ZBTB34: variants seen among roughly 807,000 people sequenced by gnomAD.
ZBTB34 encodes zinc finger and BTB domain-containing protein 34.
ZBTB34 carries 1 observed loss-of-function variant against 33.4 expected under a neutral mutation model. The observed-to-expected ratio is 0.03, with a 90% confidence interval of 0.01 to 0.14. The LOEUF is 0.14. Ranked by LOEUF, ZBTB34 falls within the 10% of genes least tolerant of loss-of-function variation. ZBTB34 has a pLI of 1.00. For synonymous variants in ZBTB34, 283 were observed against 253.5 expected (o/e 1.12, Z -1.11); for missense variants, 406 against 657.2 (o/e 0.62, Z 4.18).
At chr9:126,882,666 C>T (rs1403779333) in exon 2 of ZBTB34, 3 of 166,968 alleles carry the variant, frequency 1.8e-5, no homozygotes, top group Admixed American at 6.5e-5. Context: ...AACAGTGCAG[C>T]CACCTAAAAG....
At chr9:126,869,984 T>C (rs2033257201) in intron 1 of ZBTB34, among the ~76,000 whole-genome samples, 2 of 152,212 alleles carry the variant, frequency 1.3e-5, no homozygotes, top group African/African-American at 4.8e-5. Flanking sequence ...AACAGAATTT[T>C]TGTTAAAATA....
rs2033431722 is a variant in ZBTB34, at chr9:126,880,928, T to C, written c.*14T>C. 1.3e-6 allele frequency: 2 copies of C among 1,595,336 alleles called. No homozygotes were observed. The highest frequency in any genetic ancestry group is 1.1e-5 in the South Asian group (1 of 90,072). ...GCTCCCGATTAAGATGGTAAAGAAG[T>C]GCACCCAAACAAAGCACATTAATCA... On this transcript the variant is annotated 3_prime_UTR_variant, in exon 2 of 2. Transcript: ENST00000319119. This position sits in a 1 kb window ranked among gnomAD's most constrained non-coding sequence, Gnocchi z 6.7.
chr9:126,882,875 C>T (rs1413950319), exon 2 of ZBTB34: 1 of 166,998 alleles, frequency 6.0e-6, no homozygotes, highest in African/African-American at 2.4e-5. Context: ...GCTGTGCAGT[C>T]GCATCTCTTT....
At chr9:126,866,463 G>A (rs1159952013) in intron 1 of ZBTB34, among the ~76,000 whole-genome samples, 2 of 152,168 alleles carry the variant, frequency 1.3e-5, no homozygotes, top group African/African-American at 4.8e-5. Context: ...TACCCCAGAC[G>A]CTGTTTGCAT....
chr9:126,872,889 G>A (rs895518753), intron 1 of ZBTB34, among the ~76,000 whole-genome samples: 2 of 152,124 alleles, frequency 1.3e-5, no homozygotes, highest in Non-Finnish European at 2.9e-5. Context: ...CCACTCTTAG[G>A]TGTTAATCAT....
rs749964414 is a variant in ZBTB34 at position 126,880,707 on chromosome 9, C to A, written c.1308C>A (p.Ile436=). 1.9e-6 allele frequency: 3 copies of A among 1,613,822 alleles called. No individual in the cohort carries two copies. Among genetic ancestry groups the A allele is most frequent in the South Asian group, 1.1e-5 (1 of 91,086 alleles). ...ATGATAAACCATTCCGCTGTGAGAT[C>A]TGCGGGAAGTGCTTTCCATTCCAAG... Residue 436 remains isoleucine (I), a synonymous_variant, in exon 2 of 2, where the codon ATC becomes ATA. Coordinates refer to ENST00000319119, the Ensembl canonical transcript of ZBTB34. This position sits in a 1 kb window ranked among gnomAD's most constrained non-coding sequence, Gnocchi z 6.7.
chr9:126,863,199 G>A (rs1030638123), intron 1 of ZBTB34, among the ~76,000 whole-genome samples: 1 of 152,198 alleles, frequency 6.6e-6, no homozygotes, highest in Admixed American at 6.5e-5. Flanking sequence ...GTGAAGTTGA[G>A]CAATTTATCT....
intron 1 of ZBTB34, among the ~76,000 whole-genome samples, chr9:126,876,998 C>T (rs552259269): frequency 9.9e-5 from 15 of 152,160 alleles, no homozygotes; most frequent in South Asian, 6.2e-4. Context: ...TTAAAAATTC[C>T]GTCTGTGATT....
chr9:126,869,619 G>A (rs185938882), intron 1 of ZBTB34, among the ~76,000 whole-genome samples: 58 of 152,292 alleles, frequency 3.8e-4, no homozygotes, highest in Non-Finnish European at 6.5e-4. Flanking sequence ...GTAGGAGAAT[G>A]TCGGTCCTGC....
Position 126,879,891 on chromosome 9 carries a change from A to T in ZBTB34, c.492A>T (p.Pro164=), listed in dbSNP as rs769420634. The T allele has an allele frequency of 1.7e-5, 28 of 1,612,900 alleles. No homozygotes were observed. The highest frequency in any genetic ancestry group is 2.4e-5 in the Non-Finnish European group (28 of 1,179,876). Residue 164 remains proline (P), a synonymous_variant, in exon 2 of 2, where the codon CCA becomes CCT. Transcript: ENST00000319119. The surrounding 1 kb of genome is among the most constrained non-coding windows in gnomAD (Gnocchi z 6.4). ...AAGACAGCAGCTTCTTTGCCAACCC[A>T]GTGGAGATCTCTCCTCCATATTGCT...
exon 2 of ZBTB34, chr9:126,884,379 A>T (rs2033490712): frequency 6.0e-6 from 1 of 167,092 alleles, no homozygotes; most frequent in Non-Finnish European, 1.5e-5. Flanking sequence ...TAAATACAGT[A>T]TATGGAGACA....
At chr9:126,878,325 C>T (rs1032860810) in intron 1 of ZBTB34, among the ~76,000 whole-genome samples, 1 of 151,916 alleles carries the variant, frequency 6.6e-6, no homozygotes, top group Admixed American at 6.6e-5. Flanking sequence ...CAAAAATTAA[C>T]TGGGCATGGT....
At chr9:126,863,510 C>T (rs2033166496) in intron 1 of ZBTB34, among the ~76,000 whole-genome samples, 1 of 152,120 alleles carries the variant, frequency 6.6e-6, no homozygotes, top group African/African-American at 2.4e-5. Flanking sequence ...GTTTTATTCC[C>T]GTTAATGTTC....
intron 1 of ZBTB34, among the ~76,000 whole-genome samples, chr9:126,873,922 A>G (rs1017729367): frequency 6.6e-6 from 1 of 151,528 alleles, no homozygotes; most frequent in African/African-American, 2.4e-5. Flanking sequence ...TTTTTTCTCT[A>G]CATGTAAAGG....
At chr9:126,884,591 T>G (rs2033494899) in exon 2 of ZBTB34, 1 of 167,114 alleles carries the variant, frequency 6.0e-6, no homozygotes, top group South Asian at 2.1e-4. Context: ...TGAGTAAATG[T>G]CTTTTCTAAT....
At chr9:126,883,658 C>T (rs761894652) in exon 2 of ZBTB34, 1 of 167,076 alleles carries the variant, frequency 6.0e-6, no homozygotes, top group Non-Finnish European at 1.5e-5. Flanking sequence ...TGCTCCCATT[C>T]GTGTTGCTAA....
chr9:126,883,539 C>T (rs2033474687), exon 2 of ZBTB34: 1 of 167,196 alleles, frequency 6.0e-6, no homozygotes, highest in African/African-American at 2.4e-5. Context: ...ATATCCATTG[C>T]TTTGATTGTA....
At chr9:126,860,670 A>T (rs1043513132) in exon 1 of ZBTB34, 1 of 141,972 alleles carries the variant, frequency 7.0e-6, no homozygotes, top group Admixed American at 6.9e-5. Flanking sequence ...AGCGGCGGGG[A>T]CTGGCCTGGC....
chr9:126,862,234 C>T lies in ZBTB34; in HGVS notation c.-11+1495C>T, dbSNP rs576636798. On this transcript the variant is annotated intron_variant, in intron 1 of 1. Coordinates refer to ENST00000319119, the Ensembl canonical transcript of ZBTB34. The stretch of plus-strand genomic sequence containing the variant: ...ATGGAGTTAGTGAATAGACCAGTCT[C>T]CTGGCAGAGAAGGGTTCATATAGGA... Among the ~76,000 whole-genome samples, 14 of 152,232 alleles carry T rather than the reference C, an allele frequency of 9.2e-5. No individual in the cohort carries two copies. The East Asian group carries it at 2.7e-3, about 29-fold the overall frequency.
Sources: allele counts gnomAD v4.1 joint callset (sites outside exome capture counted in the v4.1 genomes callset), GRCh38; gene constraint gnomAD v4.1.1; non-coding constraint Gnocchi (gnomAD v3.1); transcripts MANE v1.5; gene names NCBI Gene and HGNC (gene_info 2026-07-23, HGNC 2026-07-21).